Variants in TNNT3 observed in about 807,000 individuals in gnomAD.
TNNT3 encodes troponin T3, fast skeletal type.
A neutral mutation model predicts 54.2 loss-of-function variants in TNNT3; 36 were observed. The observed-to-expected ratio is 0.66, with a 90% CI of 0.51 to 0.88. The LOEUF is 0.88. Ranked by LOEUF, TNNT3 falls within the 40% of genes least tolerant of loss-of-function variation. The pLI is 0.00. For synonymous variants in TNNT3, 120 were observed against 109.7 expected, an observed-to-expected ratio of 1.09 and a Z score of -0.59; for missense variants, 291 against 331.6, an observed-to-expected ratio of 0.88 and a Z score of 0.95.
chr11:1,922,107 G>T (rs78537234), intron 1 of TNNT3, among the ~76,000 whole-genome samples: 9,113 of 152,308 alleles, frequency 0.06, 386 homozygotes, highest in Non-Finnish European at 0.091. Flanking sequence ...CCCGGCCCGG[G>T]GGGGTGCACG....
At chr11:1,923,098 C>T in intron 3 of TNNT3, 37 bp downstream of exon 3, 1 of 1,612,720 alleles carries the variant, frequency 6.2e-7, no homozygotes, top group Non-Finnish European at 8.5e-7. Context: ...ACTTCCTGCT[C>T]TAGAAGGAAG....
At chr11:1,925,175 C>G (rs931180502) in intron 5 of TNNT3, 59 bp downstream of exon 5, 1 of 1,600,040 alleles carries the variant, frequency 6.2e-7, no homozygotes, top group Non-Finnish European at 8.5e-7. Context: ...CCGCCCCACC[C>G]AAAGTTGACC....
chr11:1,934,014 G>T lies in TNNT3; in HGVS notation c.366+6G>T. The T allele has an allele frequency of 6.2e-7, 1 of 1,611,102 alleles. No individual in the cohort carries two copies. The highest frequency in any genetic ancestry group is 1.1e-5 in the South Asian group (1 of 91,002). The stretch of plus-strand genomic sequence containing the variant: ...AGCGCCAGAACAGACTGGCGGTGAG[G>T]GCACCATCCGCACTGCTGCCTCATC... On this transcript the variant is annotated splice_donor_region_variant and intron_variant, in intron 11 of 15. Coordinates refer to ENST00000278317, the MANE Select transcript of TNNT3 (RefSeq NM_006757.4).
At chr11:1,934,705 G>A in intron 13 of TNNT3, 50 bp downstream of exon 13, 2 of 1,605,052 alleles carry the variant, frequency 1.2e-6, no homozygotes, top group South Asian at 1.1e-5. Flanking sequence ...GCCCCTGCAG[G>A]AGCTGCCGAC....
At chr11:1,927,488 C>T (rs528684460) in intron 6 of TNNT3, among the ~76,000 whole-genome samples, 15 of 152,196 alleles carry the variant, frequency 9.9e-5, no homozygotes, top group African/African-American at 2.2e-4. Flanking sequence ...TGAGCTCTTG[C>T]GTGACTCGAG....
chr11:1,924,582 G>GGGGAGCC (rs1164252361), intron 4 of TNNT3, among the ~76,000 whole-genome samples: 4 of 152,222 alleles, frequency 2.6e-5, no homozygotes, highest in African/African-American at 9.6e-5. Flanking sequence ...ATATGGCACT[G>GGGGAGCC]GGGAGCCATC....
At chr11:1,934,047 G>A (rs758180364) in intron 11 of TNNT3, 39 bp downstream of exon 11, 4 of 1,592,380 alleles carry the variant, frequency 2.5e-6, no homozygotes, top group Non-Finnish European at 3.4e-6. Context: ...ATCAGAGAAT[G>A]AGCCCCAGGC....
intron 11 of TNNT3, 81 bp downstream of exon 11, chr11:1,934,089 T>A (rs1340750691): frequency 2.1e-6 from 3 of 1,440,948 alleles, no homozygotes; most frequent in Non-Finnish European, 2.9e-6. Context: ...AGGCCTTCCT[T>A]CTCCCGGGGT....
chr11:1,929,103 CT>C lies in TNNT3; in HGVS notation c.83-13del. On this transcript the variant is annotated splice_polypyrimidine_tract_variant and intron_variant, in intron 6 of 15. Transcript: ENST00000278317. ...TTTTCTCTTGCATGTGTGCTTGTGC[CT>C]TTTGCCACCTGGAAGACACCGCAGA... 1 of 1,613,246 alleles carries C rather than the reference CT, an allele frequency of 6.2e-7. No homozygotes were observed.
chr11:1,929,450 G>C lies in TNNT3; in HGVS notation c.106+307G>C, dbSNP rs541403869. ...CACGCCCCCCTCCCCTTTCTCCCAA[G>C]CCCCTTTCCTCCCAATCTTCTTCCC... On this transcript the variant is annotated intron_variant, in intron 7 of 15. Transcript: ENST00000278317. 7.0e-4 allele frequency among the ~76,000 whole-genome samples: 107 copies of C among 152,270 alleles called. 2 individuals are homozygous for C. In the South Asian group the frequency reaches 0.021, roughly 30 times the overall value.
At chr11:1,934,991 G>A (rs757063083) in intron 14 of TNNT3, 72 bp downstream of exon 14, 62 of 1,422,038 alleles carry the variant, frequency 4.4e-5, no homozygotes, top group South Asian at 6.9e-5. Flanking sequence ...ATCTCCCTGC[G>A]TCCCTACCAA....
At chr11:1,932,743 C>T (rs1248093727) in intron 9 of TNNT3, among the ~76,000 whole-genome samples, 1 of 151,344 alleles carries the variant, frequency 6.6e-6, no homozygotes, top group East Asian at 1.9e-4. Context: ...CACCCACCCA[C>T]GTAAGCTCCT....
At chr11:1,926,883 C>T (rs1400196062) in intron 6 of TNNT3, among the ~76,000 whole-genome samples, 174 bp downstream of exon 6, 4 of 152,204 alleles carry the variant, frequency 2.6e-5, no homozygotes, top group Non-Finnish European at 5.9e-5. Flanking sequence ...CTGGCCGGTA[C>T]AGTGCAGGCT....
At chr11:1,929,339 T>C (rs1295582095) in intron 7 of TNNT3, among the ~76,000 whole-genome samples, 196 bp downstream of exon 7, 1 of 152,170 alleles carries the variant, frequency 6.6e-6, no homozygotes, top group Admixed American at 6.5e-5. Flanking sequence ...TGCCAGGGCC[T>C]CGCGGGTGCC....
intron 6 of TNNT3, among the ~76,000 whole-genome samples, chr11:1,927,377 C>T (rs1436884229): frequency 2.6e-5 from 4 of 152,178 alleles, no homozygotes; most frequent in Admixed American, 1.3e-4. Flanking sequence ...GGGTGGAGGT[C>T]AGAGAGCTGC....
intron 5 of TNNT3, chr11:1,926,396 A>G: frequency 6.3e-7 from 1 of 1,594,514 alleles, no homozygotes; most frequent in Non-Finnish European, 8.6e-7. Context: ...TTTTCCATTA[A>G]CCTCGGACGC....
intron 15 of TNNT3, among the ~76,000 whole-genome samples, chr11:1,937,454 G>A (rs1222551112): frequency 1.3e-5 from 2 of 152,162 alleles, no homozygotes; most frequent in African/African-American, 4.8e-5. Context: ...GTGACGCTGG[G>A]CAAAATCATG....
At chr11:1,928,164 A>T (rs1852172643) in intron 6 of TNNT3, 1 of 152,754 alleles carries the variant, frequency 6.5e-6, no homozygotes, top group Non-Finnish European at 1.5e-5. Flanking sequence ...GCTGGGTCAG[A>T]CTTGGAGGGC....
intron 6 of TNNT3, 143 bp from the exon 7 acceptor site, chr11:1,928,977 C>T (rs776056101): frequency 7.1e-6 from 7 of 979,114 alleles, no homozygotes; most frequent in South Asian, 5.1e-5. Context: ...CTTGTAGGGC[C>T]CCGCAGGCAC....
Sources: gnomAD v4.1 joint callset for allele counts (sites outside exome capture counted in the v4.1 genomes callset) on GRCh38, gnomAD v4.1.1 for gene constraint, MANE v1.5 for transcripts, NCBI Gene and HGNC (gene_info 2026-07-23, HGNC 2026-07-21) for gene names.